PCDHGB4: variants seen among roughly 807,000 people sequenced by gnomAD.
PCDHGB4 encodes protocadherin gamma subfamily B, 4.
Under a neutral mutation model 60.5 loss-of-function variants are expected in PCDHGB4, and 38 were observed. The observed-to-expected ratio is 0.63, with a 90% confidence interval of 0.48 to 0.82. PCDHGB4 has a LOEUF of 0.82. PCDHGB4 is among the 40% of genes least tolerant of loss of function. The probability of loss-of-function intolerance (pLI) is 0.00; values close to 1 mark genes in which losing one functional copy is unlikely to be tolerated. For missense variants in PCDHGB4, 1,109 were observed against 1,209.6 expected, an observed-to-expected ratio of 0.92 and a Z score of 1.23; for synonymous variants, 456 against 509.7, an observed-to-expected ratio of 0.89 and a Z score of 1.42.
At position 141,490,293 on chromosome 5, in the gene PCDHGB4, ATTG is replaced by A; in HGVS notation, c.2398-4513_2398-4511del. The A allele has an allele frequency of 1.9e-6, 3 of 1,614,190 alleles. No individual in the cohort carries two copies. Among genetic ancestry groups the A allele is most frequent in the Non-Finnish European group, 2.5e-6 (3 of 1,180,028 alleles). On this transcript the variant is annotated intron_variant, in intron 1 of 3. Coordinates refer to ENST00000519479, the MANE Select transcript of PCDHGB4 (RefSeq NM_003736.4). The surrounding 1 kb of genome is among the most constrained non-coding windows in gnomAD (Gnocchi z 5.4). ...TCAATGACAATGCCCCAGAGGTGCTATTGGCCTCTTTGGCCAACCCTGTCCTAG... is the reference window on the plus strand; with the variant it reads ...TCAATGACAATGCCCCAGAGGTGCTAGCCTCTTTGGCCAACCCTGTCCTAG...
chr5:141,408,071 T>C, intron 1 of PCDHGB4: 4 of 1,384,774 alleles, frequency 2.9e-6, no homozygotes, highest in Non-Finnish European at 2.9e-6. Context: ...GCGCAGACCT[T>C]TCCCAGCACA....
At position 141,511,426 on chromosome 5, in the gene PCDHGB4, G is replaced by C. The variant is rs2099883789; in HGVS notation, c.*253G>C. 2.5e-6 allele frequency: 2 copies of C among 798,652 alleles called. No homozygotes were observed. The highest frequency in any genetic ancestry group is 3.8e-6 in the Non-Finnish European group (2 of 529,972). 49.5% of individuals were successfully genotyped at this position (798,652 alleles called of 1,614,324 possible). ...CAACTGCTGTACCCATGGGGGTAGTGGGGTTACTGTAGACACCAAGAACCA... is the reference window on the plus strand; with the variant it reads ...CAACTGCTGTACCCATGGGGGTAGTCGGGTTACTGTAGACACCAAGAACCA... On this transcript the variant is annotated 3_prime_UTR_variant, in exon 4 of 4. Transcript: ENST00000519479.
Position 141,491,162 on chromosome 5 carries a change from C to T in PCDHGB4, c.2398-3645C>T. 6.2e-7 allele frequency: 1 copy of T among 1,614,112 alleles called. No homozygotes were observed. Among genetic ancestry groups the T allele is most frequent in the Non-Finnish European group, 8.5e-7 (1 of 1,179,952 alleles). On this transcript the variant is annotated intron_variant, in intron 1 of 3. Coordinates refer to ENST00000519479, the MANE Select transcript of PCDHGB4 (RefSeq NM_003736.4). This position sits in a 1 kb window ranked among gnomAD's most constrained non-coding sequence, Gnocchi z 6.9. ...GCCTTACTGGAGGATGACTCTGACA[C>T]CCAGCAGGTGGTGGTCCTGGTGAGG...
In PCDHGB4 at chr5:141,511,330, T is replaced by C; in HGVS notation, c.*157T>C. 1 of 1,455,994 alleles carries C rather than the reference T, an allele frequency of 6.9e-7. No homozygotes were observed. The highest frequency in any genetic ancestry group is 9.1e-7 in the Non-Finnish European group (1 of 1,093,254). 90.2% of individuals were successfully genotyped at this position (1,455,994 alleles called of 1,614,324 possible). ...TTGGGAAACAGAAACAAGTGCCCAG[T>C]CAGCACCTACCCCTTCCCCCCCAGG... On this transcript the variant is annotated 3_prime_UTR_variant, in exon 4 of 4. Coordinates refer to ENST00000519479, the MANE Select transcript of PCDHGB4 (RefSeq NM_003736.4).
intron 1 of PCDHGB4, chr5:141,427,093 G>A (rs1446677593): frequency 2.2e-6 from 1 of 458,122 alleles, no homozygotes. Flanking sequence ...CAGGATGAGG[G>A]TGTCAATGCG....
chr5:141,478,576 G>C (rs543160289), intron 1 of PCDHGB4: 3 of 1,585,598 alleles, frequency 1.9e-6, no homozygotes, highest in Middle Eastern at 3.3e-4. Flanking sequence ...GCTTGACCCT[G>C]TTAGTGCTTT....
rs766387243 is a variant in PCDHGB4 at position 141,489,017 on chromosome 5, TCTC to T, written c.2398-5782_2398-5780del. The stretch of plus-strand genomic sequence containing the variant: ...GGGAGATCTGCTCTTCCAGCCCGCC[TCTC>T]CTCCTCCAGCTCCCCAGCTCCACTC... On this transcript the variant is annotated intron_variant, in intron 1 of 3. Transcript: ENST00000519479. This position sits in a 1 kb window ranked among gnomAD's most constrained non-coding sequence, Gnocchi z 4.5. 2 of 435,354 alleles carry T rather than the reference TCTC, an allele frequency of 4.6e-6. No individual in the cohort carries two copies. Among genetic ancestry groups the T allele is most frequent in the Non-Finnish European group, 8.1e-6 (2 of 247,876 alleles). The allele number at this position is 435,354 out of a possible 1,614,324, so 27.0% of individuals were successfully genotyped here. A position where few individuals can be genotyped will look rare whatever the true frequency, so the allele number is the denominator to read the frequency against.
At position 141,476,746 on chromosome 5, in the gene PCDHGB4, C is replaced by A; in HGVS notation, c.2398-18061C>A. 1 of 1,614,068 alleles carries A rather than the reference C, an allele frequency of 6.2e-7. No homozygotes were observed. On this transcript the variant is annotated intron_variant, in intron 1 of 3. Transcript: ENST00000519479. The surrounding 1 kb of genome is among the most constrained non-coding windows in gnomAD (Gnocchi z 7.6). ...TGGACCGAGAACGGGAGCCTAGTCT[C>A]CAGTTAGTGCTGACGGCGTTGGACG...
At chr5:141,499,136 G>A (rs1488844131) in intron 2 of PCDHGB4, among the ~76,000 whole-genome samples, 1 of 152,100 alleles carries the variant, frequency 6.6e-6, no homozygotes, top group Non-Finnish European at 1.5e-5. Flanking sequence ...CATCCTTTGG[G>A]TGTCTGATCC....
rs756857668 is a variant in PCDHGB4, at chr5:141,389,399, A to C, written c.1515A>C (p.Ile505=). ...GGGAGCTGTCATCCTACGTGTCCAT[A>C]AGCGCGGAGAGCGGGGTGGTGTTCG... ...EQRELSSYVS[I]SAESGVVFAQ... The change falls in exon 1 of 4, where the codon ATA becomes ATC. Residue 505 remains isoleucine (I), a synonymous_variant. Coordinates refer to ENST00000519479, the MANE Select transcript of PCDHGB4 (RefSeq NM_003736.4). 67 of 1,613,528 alleles carry C rather than the reference A, an allele frequency of 4.2e-5. 1 individual carries two copies. Among genetic ancestry groups the C allele is most frequent in the South Asian group, 5.5e-5 (5 of 91,094 alleles).
chr5:141,486,168 A>C lies in PCDHGB4; in HGVS notation c.2398-8639A>C, dbSNP rs774913463. 6.2e-7 allele frequency: 1 copy of C among 1,614,196 alleles called. No homozygotes were observed. Among genetic ancestry groups the C allele is most frequent in the South Asian group, 1.1e-5 (1 of 91,084 alleles). On this transcript the variant is annotated intron_variant, in intron 1 of 3. Transcript: ENST00000519479. The surrounding 1 kb of genome is among the most constrained non-coding windows in gnomAD (Gnocchi z 5.0). ...GATGGGGGTTCTCCAGCCATGGAGC[A>C]ACATTGCAGCCTTCGAGTGGATCTG...
intron 1 of PCDHGB4, among the ~76,000 whole-genome samples, chr5:141,482,884 C>A (rs2099574053): frequency 6.6e-6 from 1 of 152,116 alleles, no homozygotes; most frequent in Non-Finnish European, 1.5e-5. Flanking sequence ...CCAGCCTGGC[C>A]AACATGGTGA....
rs146734417 is a variant in PCDHGB4, at chr5:141,431,409, G to T, written c.2397+41128G>T. The T allele has an allele frequency of 1.9e-6, 3 of 1,613,722 alleles. No homozygotes were observed. Among genetic ancestry groups the T allele is most frequent in the Non-Finnish European group, 2.5e-6 (3 of 1,180,048 alleles). On this transcript the variant is annotated intron_variant, in intron 1 of 3. Transcript: ENST00000519479. This position sits in a 1 kb window ranked among gnomAD's most constrained non-coding sequence, Gnocchi z 4.8. Reference sequence around the variant, plus strand: ...CACCTGGTCCTTACGGCCTCCGACGGGGGCGACCCGGTGCGCACAGGCACC... The same window carrying T: ...CACCTGGTCCTTACGGCCTCCGACGTGGGCGACCCGGTGCGCACAGGCACC...
At chr5:141,405,372 T>C in intron 1 of PCDHGB4, 1 of 1,601,630 alleles carries the variant, frequency 6.2e-7, no homozygotes, top group East Asian at 2.2e-5. Flanking sequence ...ACCCCTTTGG[T>C]TCCGGTGAGT....
At chr5:141,465,779 G>A (rs1199779963) in intron 1 of PCDHGB4, among the ~76,000 whole-genome samples, 2 of 145,170 alleles carry the variant, frequency 1.4e-5, no homozygotes, top group African/African-American at 5.0e-5. Flanking sequence ...TCTTGTTACA[G>A]TTTTTTTTTT....
chr5:141,451,809 A>C (rs1316571749), intron 1 of PCDHGB4, among the ~76,000 whole-genome samples: 1 of 150,308 alleles, frequency 6.7e-6, no homozygotes, highest in Non-Finnish European at 1.5e-5. Flanking sequence ...TGAACCCAGG[A>C]GGCGGAGGTT....
chr5:141,387,707 C>A lies in PCDHGB4; in HGVS notation c.-178C>A, dbSNP rs1441500005. ...CCGCAGCGCGCTTTCCAGGGCAGCC[C>A]CAGCTCAGACTCCCCAGCGCCAGCC... On this transcript the variant is annotated 5_prime_UTR_variant, in exon 1 of 4. Coordinates refer to ENST00000519479, the MANE Select transcript of PCDHGB4 (RefSeq NM_003736.4). The A allele has an allele frequency of 1.0e-6, 1 of 994,952 alleles. No homozygotes were observed. Among genetic ancestry groups the A allele is most frequent in the Non-Finnish European group, 1.5e-6 (1 of 689,364 alleles). The allele number at this position is 994,952 out of a possible 1,614,324, so 61.6% of individuals were successfully genotyped here.
intron 1 of PCDHGB4, chr5:141,418,453 G>T (rs2096259626): frequency 1.2e-6 from 2 of 1,614,060 alleles, no homozygotes; most frequent in East Asian, 4.5e-5. Flanking sequence ...TATTGCAGAA[G>T]ACTCTGGACC....
At chr5:141,419,439 C>G (rs375537017) in intron 1 of PCDHGB4, 1 of 1,613,154 alleles carries the variant, frequency 6.2e-7, no homozygotes, top group Non-Finnish European at 8.5e-7. Context: ...CAGCTGCGCA[C>G]CTTCGAGCTC....
Sources: gnomAD v4.1 joint callset for allele counts (sites outside exome capture counted in the v4.1 genomes callset) on GRCh38, gnomAD v4.1.1 for gene constraint, Gnocchi (gnomAD v3.1) non-coding constraint, MANE v1.5 for transcripts, NCBI Gene and HGNC (gene_info 2026-07-23, HGNC 2026-07-21) for gene names.